Variants in HIVEP3 observed in about 807,000 individuals in gnomAD.
The protein encoded by HIVEP3 is HIVEP zinc finger 3, also known as transcription factor HIVEP3.
HIVEP3 carries 49 observed loss-of-function variants against 152.8 expected under a neutral mutation model. That is an observed-to-expected ratio of 0.32 (90% CI 0.26 to 0.41). The LOEUF is 0.41. Among genes scored for constraint, HIVEP3 ranks in the 10% least tolerant of loss-of-function variants. The pLI is 1.00. For synonymous variants in HIVEP3, 1,269 were observed against 1,289.0 expected (o/e 0.98, Z 0.33); for missense variants, 2,790 against 3,103.3 (o/e 0.90, Z 2.40).
At chr1:41,879,110 C>T (rs764224544) in intron 1 of HIVEP3, among the ~76,000 whole-genome samples, 5 of 152,166 alleles carry the variant, frequency 3.3e-5, no homozygotes, top group Non-Finnish European at 7.3e-5. Flanking sequence ...GGCCCAGTGC[C>T]TGCCTGTTCT....
intron 1 of HIVEP3, among the ~76,000 whole-genome samples, chr1:41,781,748 C>T (rs1649054942): frequency 6.6e-6 from 1 of 152,196 alleles, no homozygotes; most frequent in Non-Finnish European, 1.5e-5. Flanking sequence ...GTAGCCAGGC[C>T]TAGCTACTTG....
Position 41,512,925 on chromosome 1 carries a change from G to T in HIVEP3, c.6296C>A (p.Ala2099Glu). 6.3e-7 allele frequency: 1 copy of T among 1,596,234 alleles called. No individual in the cohort carries two copies. Among genetic ancestry groups the T allele is most frequent in the Non-Finnish European group, 8.5e-7 (1 of 1,171,766 alleles). Residue 2099 changes from alanine (A) to glutamate (E), a missense_variant, in exon 8 of 9, where the codon GCG becomes GAG. Coordinates refer to ENST00000372583, the MANE Select transcript of HIVEP3 (RefSeq NM_024503.5). The stretch of plus-strand genomic sequence containing the variant: ...CCCCAAGCCTGGGCCATGCTCCCCC[G>T]CTGAGGGGCTGCCCGGCCCAGCCAA... ...WALAGPGSPS[A>E]GEHGPGLGLD...
intron 1 of HIVEP3, among the ~76,000 whole-genome samples, chr1:41,816,792 G>C (rs1358035438): frequency 2.0e-5 from 3 of 152,156 alleles, no homozygotes; most frequent in Admixed American, 1.3e-4. Context: ...CCATGAGAAA[G>C]AAGGGCTACA....
chr1:41,512,770 C>A, intron 8 of HIVEP3, 46 bp downstream of exon 8: 1 of 1,410,150 alleles, frequency 7.1e-7, no homozygotes, highest in South Asian at 1.5e-5. Context: ...GCAACCCCTG[C>A]ACCCACAGGG....
In HIVEP3 at chr1:41,511,167, G is replaced by A; in HGVS notation, c.6505C>T (p.Leu2169=). ...AAGATGTTCTCCTCTGTCCGGGCCA[G>A]GATGTGGCCGTGGAAGTCATGGAGG... ...SALHDFHGHI[L]ARTEENIFSH... The change falls in exon 9 of 9, where the codon CTG becomes TTG. Residue 2169 remains leucine (L), a synonymous_variant. Transcript: ENST00000372583. The surrounding 1 kb of genome is among the most constrained non-coding windows in gnomAD (Gnocchi z 4.9). 1 of 1,614,194 alleles carries A rather than the reference G, an allele frequency of 6.2e-7. No individual in the cohort carries two copies. The highest frequency in any genetic ancestry group is 8.5e-7 in the Non-Finnish European group (1 of 1,180,032).
chr1:41,944,112 T>C (rs940092049), intron 1 of HIVEP3, among the ~76,000 whole-genome samples: 1 of 152,204 alleles, frequency 6.6e-6, no homozygotes, highest in Admixed American at 6.5e-5. Context: ...TGCCAGGGAC[T>C]GGGCAGGAGG....
intron 1 of HIVEP3, among the ~76,000 whole-genome samples, chr1:41,716,994 C>A (rs1344980062): frequency 6.6e-6 from 1 of 152,240 alleles, no homozygotes; most frequent in Non-Finnish European, 1.5e-5. Flanking sequence ...AGCACACAGC[C>A]AGCTCTGCCC....
intron 2 of HIVEP3, among the ~76,000 whole-genome samples, chr1:41,638,987 G>T (rs1009537390): frequency 6.6e-6 from 1 of 152,228 alleles, no homozygotes; most frequent in African/African-American, 2.4e-5. Flanking sequence ...AAGTGGAGAA[G>T]AAGGCTGGCC....
chr1:41,760,015 TG>T (rs1201200166), intron 1 of HIVEP3, among the ~76,000 whole-genome samples: 12 of 152,120 alleles, frequency 7.9e-5, no homozygotes, highest in Non-Finnish European at 1.8e-4. Flanking sequence ...ATCTATAAAA[TG>T]GGGTGAATAA....
At chr1:41,983,791 C>T (rs1395151686) in intron 1 of HIVEP3, among the ~76,000 whole-genome samples, 2 of 151,322 alleles carry the variant, frequency 1.3e-5, no homozygotes, top group Non-Finnish European at 2.9e-5. Flanking sequence ...AAAGACAGAA[C>T]AAAAAGAAAA....
intron 3 of HIVEP3, among the ~76,000 whole-genome samples, chr1:41,596,820 G>A (rs540864901): frequency 2.6e-5 from 4 of 152,262 alleles, no homozygotes; most frequent in African/African-American, 9.6e-5. Context: ...CAGAATGACC[G>A]AGTGGATCCT....
intron 2 of HIVEP3, among the ~76,000 whole-genome samples, chr1:41,696,780 A>G (rs1418626204): frequency 6.6e-6 from 1 of 152,260 alleles, no homozygotes; most frequent in African/African-American, 2.4e-5. Flanking sequence ...ACTGCATAGA[A>G]AAAAAGGTGG....
chr1:41,957,654 G>A (rs1228005291), intron 1 of HIVEP3, among the ~76,000 whole-genome samples: 1 of 152,166 alleles, frequency 6.6e-6, no homozygotes, highest in African/African-American at 2.4e-5. Flanking sequence ...GAACTCTAGT[G>A]GAGGAGGATG....
At chr1:41,566,728 G>A (rs746994972) in intron 5 of HIVEP3, among the ~76,000 whole-genome samples, 2 of 152,108 alleles carry the variant, frequency 1.3e-5, no homozygotes, top group East Asian at 3.9e-4. Flanking sequence ...ACCGGGCTGA[G>A]CCTCCTTCCT....
At chr1:41,734,263 G>C (rs551800266) in intron 1 of HIVEP3, among the ~76,000 whole-genome samples, 2 of 152,346 alleles carry the variant, frequency 1.3e-5, no homozygotes, top group South Asian at 4.1e-4. Flanking sequence ...TATTCTAGCT[G>C]TGTGGCCTTG....
intron 5 of HIVEP3, among the ~76,000 whole-genome samples, chr1:41,544,820 T>TACCACCACCACC (rs1166032740): frequency 4.1e-5 from 1 of 24,532 alleles, no homozygotes; most frequent in African/African-American, 2.1e-4. Flanking sequence ...CTACCACCTC[T>TACCACCACCACC]ACCACCACCA....
chr1:41,582,750 G>A lies in HIVEP3; in HGVS notation c.2048C>T (p.Pro683Leu), dbSNP rs768164975. The A allele has an allele frequency of 2.5e-6, 4 of 1,614,194 alleles. No homozygotes were observed. The highest frequency in any genetic ancestry group is 2.2e-5 in the East Asian group (1 of 44,886). Reference protein sequence around the residue: ...KPISAGTHTSPEAEKSQIEHE... With the variant: ...KPISAGTHTSLEAEKSQIEHE... ...CTCAATCTGACTCTTTTCAGCTTCT[G>A]GAGATGTGTGGGTGCCTGCAGAGAT... Residue 683 changes from proline to leucine, a missense_variant, in exon 4 of 9, where the codon CCA (proline) becomes CTA (leucine). By Grantham distance (98) the Pro-to-Leu change is moderately conservative. Coordinates refer to ENST00000372583, the MANE Select transcript of HIVEP3 (RefSeq NM_024503.5). This position sits in a 1 kb window ranked among gnomAD's most constrained non-coding sequence, Gnocchi z 4.7.
chr1:41,608,264 G>A (rs560423772), intron 3 of HIVEP3, among the ~76,000 whole-genome samples: 6 of 152,286 alleles, frequency 3.9e-5, no homozygotes, highest in East Asian at 1.9e-4. Context: ...AAGTGGCCAG[G>A]GAACTCCCAC....
intron 1 of HIVEP3, among the ~76,000 whole-genome samples, chr1:42,028,205 G>A (rs570593737): frequency 6.6e-5 from 10 of 151,966 alleles, no homozygotes; most frequent in African/African-American, 2.4e-4. Flanking sequence ...GTTGTTTAGC[G>A]TTATCTTTTC....
Sources: gnomAD v4.1 joint callset for allele counts (sites outside exome capture counted in the v4.1 genomes callset) on GRCh38, gnomAD v4.1.1 for gene constraint, Gnocchi (gnomAD v3.1) non-coding constraint, MANE v1.5 for transcripts, NCBI Gene and HGNC (gene_info 2026-07-23, HGNC 2026-07-21) for gene names.